Variants in ACTRT1 observed in about 807,000 individuals in gnomAD.
ACTRT1 encodes the protein actin related protein T1.
ACTRT1 carries 1 observed loss-of-function variant against 1.4 expected under a neutral mutation model. The observed-to-expected ratio is 0.69, with a 90% confidence interval of 0.25 to 3.28. ACTRT1 has a LOEUF of 3.28. ACTRT1 is among the 30% of genes most tolerant of loss of function. ACTRT1 has a pLI of 0.20. For synonymous variants in ACTRT1, 121 were observed against 115.2 expected, an observed-to-expected ratio of 1.05 and a Z score of -0.32; for missense variants, 334 against 291.5, an observed-to-expected ratio of 1.15 and a Z score of -1.06.
chrX:128,052,285 T>C lies in ACTRT1; in HGVS notation c.-79A>G. 1 of 1,068,600 alleles carries C rather than the reference T, an allele frequency of 9.4e-7. No individual in the cohort carries two copies. The highest frequency in any genetic ancestry group is 1.2e-6 in the Non-Finnish European group (1 of 801,615). 88.1% of individuals were successfully genotyped at this position (1,068,600 alleles called of 1,213,427 possible). A position where few individuals can be genotyped will look rare whatever the true frequency, so the allele number is the denominator to read the frequency against. ...CACTCTCTGAGATGACAGGCACCTT[T>C]AGAATTTTTTAAACTTCAGGGTTCT... On this transcript the variant is annotated 5_prime_UTR_variant, in exon 1 of 1. Coordinates refer to ENST00000371124, the MANE Select transcript of ACTRT1 (RefSeq NM_138289.4).
rs142657332 is a variant in ACTRT1, at chrX:128,051,265, G to A, written c.942C>T (p.Leu314=). The change falls in exon 1 of 1, where the codon CTC becomes CTT. Residue 314 remains leucine, a synonymous_variant. Coordinates refer to ENST00000371124, the MANE Select transcript of ACTRT1 (RefSeq NM_138289.4). ...TTLLPGLEER[L]MKEVEQLASK... is the part of the protein sequence containing the mutation. ...AAGCCAGCTGTTCCACTTCCTTCAT[G>A]AGCCTTTCCTCCAGCCCAGGGAGGA... 60 of 1,208,271 alleles carry A rather than the reference G, an allele frequency of 5.0e-5. No individual in the cohort carries two copies. The African/African-American group carries it at 9.4e-4, about 19-fold the overall frequency.
In ACTRT1 at chrX:128,051,386, C is replaced by G. The variant is rs1927762280; in HGVS notation, c.821G>C (p.Gly274Ala). ...APDQLGIHSP[G>A]LSKMVSSSIM... The stretch of plus-strand genomic sequence containing the variant: ...GCTGCTGGAGACCATTTTTGAGAGT[C>G]CTGGGCTGTGGATGCCCAGCTGGTC... The change falls in exon 1 of 1, where the codon GGA becomes GCA. Residue 274 changes from glycine (G) to alanine (A), a missense_variant. By Grantham distance (60) the Gly-to-Ala change is moderately conservative. Transcript: ENST00000371124. 8.3e-7 allele frequency: 1 copy of G among 1,210,280 alleles called. No individual in the cohort carries two copies.
Position 128,051,364 on chromosome X carries a change from G to A in ACTRT1, c.843C>T (p.Ser281=), listed in dbSNP as rs775153165. The change falls in exon 1 of 1, where the codon AGC becomes AGT. Residue 281 remains serine (S), a synonymous_variant. Transcript: ENST00000371124. ...TGTCAGTGTCACACTTCATGATGCTGCTGGAGACCATTTTTGAGAGTCCTG... is the reference window on the plus strand; with the variant it reads ...TGTCAGTGTCACACTTCATGATGCTACTGGAGACCATTTTTGAGAGTCCTG... ...HSPGLSKMVS[S]SIMKCDTDIQ... The A allele has an allele frequency of 2.5e-6, 3 of 1,210,746 alleles. No homozygotes were observed. Among genetic ancestry groups the A allele is most frequent in the Middle Eastern group, 2.3e-4 (1 of 4,355 alleles).
At position 128,051,382 on chromosome X, in the gene ACTRT1, G is replaced by A; in HGVS notation, c.825C>T (p.Leu275=). The A allele has an allele frequency of 3.3e-6, 4 of 1,210,565 alleles. No homozygotes were observed. The highest frequency in any genetic ancestry group is 1.7e-5 in the African/African-American group (1 of 57,421). ...TGATGCTGCTGGAGACCATTTTTGA[G>A]AGTCCTGGGCTGTGGATGCCCAGCT... ...PDQLGIHSPG[L]SKMVSSSIMK... The change falls in exon 1 of 1, where the codon CTC becomes CTT. Residue 275 remains leucine (L), a synonymous_variant. Transcript: ENST00000371124.
chrX:128,051,692 TA>T lies in ACTRT1; in HGVS notation c.514del (p.Tyr172ThrfsTer41). On this transcript the variant is annotated frameshift_variant, in exon 1 of 1. Coordinates refer to ENST00000371124, the MANE Select transcript of ACTRT1 (RefSeq NM_138289.4). LOFTEE classifies it low-confidence loss of function (END_TRUNC). ...TTTGGTGACTGCGTGAGGCAGGGAG[TA>T]ACCCTCAAAGATGGGGACAGTGCAA... ...VTCTVPIFEG[Y>X]SLPHAVTKLC... The T allele has an allele frequency of 2.5e-6, 3 of 1,210,441 alleles. No individual in the cohort carries two copies. Among genetic ancestry groups the T allele is most frequent in the Non-Finnish European group, 3.4e-6 (3 of 895,208 alleles).
At position 128,051,893 on chromosome X, in the gene ACTRT1, G is replaced by T; in HGVS notation, c.314C>A (p.Pro105His). The change falls in exon 1 of 1, where the codon CCT becomes CAT. Residue 105 changes from proline to histidine, a missense_variant. By Grantham distance (77) the Pro-to-His change is moderately conservative (BLOSUM62 -2). Transcript: ENST00000371124. Reference sequence around the variant, plus strand: ...CAAAGAGGGCTCGGTCATAAGTACAGGCTGTTGGCTGGGTTTTACTCCAAG... The same window carrying T: ...CAAAGAGGGCTCGGTCATAAGTACATGCTGTTGGCTGGGTTTTACTCCAAG... ...RELGVKPSQQ[P>H]VLMTEPSLNP... The T allele has an allele frequency of 8.3e-7, 1 of 1,211,645 alleles. No individual in the cohort carries two copies. The highest frequency in any genetic ancestry group is 1.1e-6 in the Non-Finnish European group (1 of 895,494).
rs186853067 is a variant in ACTRT1 at position 128,050,964 on chromosome X, G to T, written c.*112C>A. The stretch of plus-strand genomic sequence containing the variant: ...TGCTACTAAGAATAAACTGAAACTT[G>T]AAATGGCAAAACTTTTATTGAACAT... On this transcript the variant is annotated 3_prime_UTR_variant, in exon 1 of 1. Coordinates refer to ENST00000371124, the MANE Select transcript of ACTRT1 (RefSeq NM_138289.4). 1 of 933,699 alleles carries T rather than the reference G, an allele frequency of 1.1e-6. No homozygotes were observed. The highest frequency in any genetic ancestry group is 3.1e-5 in the East Asian group (1 of 32,196). The allele number at this position is 933,699 out of a possible 1,213,427, so 76.9% of individuals were successfully genotyped here.
Position 128,051,212 on chromosome X carries a change from G to A in ACTRT1, c.995C>T (p.Ala332Val), listed in dbSNP as rs768730497. 3 of 1,210,927 alleles carry A rather than the reference G, an allele frequency of 2.5e-6. No individual in the cohort carries two copies. Among genetic ancestry groups the A allele is most frequent in the Non-Finnish European group, 3.4e-6 (3 of 895,396 alleles). The change falls in exon 1 of 1, where the codon GCT (alanine) becomes GTT (valine). Residue 332 changes from alanine to valine, a missense_variant. Transcript: ENST00000371124. ...ASKGTPIKIT[A>V]SPDRCFSAWI... ...TGCAGAGAAGCATCTATCAGGAGAA[G>A]CTGTGATCTTGATGGGAGTACCTTT...
chrX:128,052,096 G>A lies in ACTRT1; in HGVS notation c.111C>T (p.Ser37=), dbSNP rs369132743. Residue 37 remains serine, a synonymous_variant, in exon 1 of 1, where the codon TCC becomes TCT. Coordinates refer to ENST00000371124, the MANE Select transcript of ACTRT1 (RefSeq NM_138289.4). ...GEIGPRHVIS[S]VLGHCKFNVP... Reference sequence around the variant, plus strand: ...CATTGAATTTACAATGTCCCAAGACGGAGCTGATGACATGGCGGGGTCCAA... The same window carrying A: ...CATTGAATTTACAATGTCCCAAGACAGAGCTGATGACATGGCGGGGTCCAA... The A allele has an allele frequency of 5.3e-5, 64 of 1,210,026 alleles. No homozygotes were observed. The highest frequency in any genetic ancestry group is 3.8e-4 in the African/African-American group (22 of 57,166).
In ACTRT1 at chrX:128,052,367, C is replaced by A; in HGVS notation, c.-161G>T. On this transcript the variant is annotated 5_prime_UTR_variant, in exon 1 of 1. Transcript: ENST00000371124. The stretch of plus-strand genomic sequence containing the variant: ...GTAGGCTACCTTCAGTCCACCAGGA[C>A]ACCCCATCCTCAACCTCTGAATCTT... The A allele has an allele frequency of 2.0e-6, 1 of 494,878 alleles. No homozygotes were observed. The highest frequency in any genetic ancestry group is 4.0e-5 in the Admixed American group (1 of 24,710). 40.8% of individuals were successfully genotyped at this position (494,878 alleles called of 1,213,427 possible). A position where few individuals can be genotyped will look rare whatever the true frequency, so the allele number is the denominator to read the frequency against.
Position 128,052,321 on chromosome X carries a change from G to C in ACTRT1, c.-115C>G. The C allele has an allele frequency of 2.3e-6, 2 of 857,345 alleles. No individual in the cohort carries two copies. Among genetic ancestry groups the C allele is most frequent in the Non-Finnish European group, 3.3e-6 (2 of 614,169 alleles). 70.7% of individuals were successfully genotyped at this position (857,345 alleles called of 1,213,427 possible). On this transcript the variant is annotated 5_prime_UTR_variant, in exon 1 of 1. Coordinates refer to ENST00000371124, the MANE Select transcript of ACTRT1 (RefSeq NM_138289.4). Reference sequence around the variant, plus strand: ...AAACTTCAGGGTTCTGAAGTTTCAAGTTGTCACCCATGTACAGCTAGTAGG... The same window carrying C: ...AAACTTCAGGGTTCTGAAGTTTCAACTTGTCACCCATGTACAGCTAGTAGG...
rs201969467 is a variant in ACTRT1, at chrX:128,051,254, A to G, written c.953T>C (p.Val318Ala). ...PGLEERLMKE[V>A]EQLASKGTPI... ...AGTACCTTTGGAAGCCAGCTGTTCC[A>G]CTTCCTTCATGAGCCTTTCCTCCAG... Residue 318 changes from valine (V) to alanine (A), a missense_variant, in exon 1 of 1, where the codon GTG (valine) becomes GCG (alanine). Physicochemically the swap from Val to Ala is moderately conservative, Grantham distance 64. Transcript: ENST00000371124. 4.1e-6 allele frequency: 5 copies of G among 1,208,241 alleles called. No homozygotes were observed. The highest frequency in any genetic ancestry group is 6.0e-5 in the East Asian group (2 of 33,583).
rs763454761 is a variant in ACTRT1 at position 128,051,822 on chromosome X, T to C, written c.385A>G (p.Thr129Ala). The change falls in exon 1 of 1, where the codon ACC (threonine) becomes GCC (alanine). Residue 129 changes from threonine (T) to alanine (A), a missense_variant. Coordinates refer to ENST00000371124, the MANE Select transcript of ACTRT1 (RefSeq NM_138289.4). Reference sequence around the variant, plus strand: ...AGGTAGAAACCAGGCACACTGAAGGTCTCAAACATCATTTCTGCTAGCTTT... The same window carrying C: ...AGGTAGAAACCAGGCACACTGAAGGCCTCAAACATCATTTCTGCTAGCTTT... ...REKLAEMMFE[T>A]FSVPGFYLSN... The C allele has an allele frequency of 8.3e-7, 1 of 1,211,190 alleles. No individual in the cohort carries two copies. Among genetic ancestry groups the C allele is most frequent in the Non-Finnish European group, 1.1e-6 (1 of 895,374 alleles).
In ACTRT1 at chrX:128,051,037, A is replaced by AATC. The variant is rs1927748443; in HGVS notation, c.*36_*38dup. ...TGCCATCTCCCACTGGTACTCCTGTAATCTGACACTTCAAGATGTCTCCTC... is the reference window on the plus strand; with the variant it reads ...TGCCATCTCCCACTGGTACTCCTGTAATCATCTGACACTTCAAGATGTCTCCTC... On this transcript the variant is annotated 3_prime_UTR_variant, in exon 1 of 1. Transcript: ENST00000371124. 8.5e-7 allele frequency: 1 copy of AATC among 1,175,693 alleles called. No individual in the cohort carries two copies. The highest frequency in any genetic ancestry group is 1.9e-5 in the South Asian group (1 of 52,581).
Position 128,052,343 on chromosome X carries a change from T to A in ACTRT1, c.-137A>T. 3 of 636,874 alleles carry A rather than the reference T, an allele frequency of 4.7e-6. No individual in the cohort carries two copies. The highest frequency in any genetic ancestry group is 3.9e-5 in the South Asian group (1 of 25,973). The allele number at this position is 636,874 out of a possible 1,213,427, so 52.5% of individuals were successfully genotyped here. On this transcript the variant is annotated 5_prime_UTR_variant, in exon 1 of 1. Coordinates refer to ENST00000371124, the MANE Select transcript of ACTRT1 (RefSeq NM_138289.4). Reference sequence around the variant, plus strand: ...CAAGTTGTCACCCATGTACAGCTAGTAGGCTACCTTCAGTCCACCAGGACA... The same window carrying A: ...CAAGTTGTCACCCATGTACAGCTAGAAGGCTACCTTCAGTCCACCAGGACA...
In ACTRT1 at chrX:128,051,785, G is replaced by T; in HGVS notation, c.422C>A (p.Ala141Glu). ...SVPGFYLSNH[A>E]VAALYASACV... ...GGCAGAGGCATAGAGCGCTGCCACC[G>T]CATGATTAGACAGGTAGAAACCAGG... is the stretch of plus-strand genomic sequence containing the variant. The change falls in exon 1 of 1, where the codon GCG becomes GAG. Residue 141 changes from alanine to glutamate, a missense_variant. Ala to Glu is a moderately radical substitution (Grantham distance 107). Coordinates refer to ENST00000371124, the MANE Select transcript of ACTRT1 (RefSeq NM_138289.4). 1 of 1,210,929 alleles carries T rather than the reference G, an allele frequency of 8.3e-7. No individual in the cohort carries two copies. The highest frequency in any genetic ancestry group is 1.1e-6 in the Non-Finnish European group (1 of 895,155).
chrX:128,052,309 C>T lies in ACTRT1; in HGVS notation c.-103G>A. ...TTAGAATTTTTTAAACTTCAGGGTTCTGAAGTTTCAAGTTGTCACCCATGT... is the reference window on the plus strand; with the variant it reads ...TTAGAATTTTTTAAACTTCAGGGTTTTGAAGTTTCAAGTTGTCACCCATGT... On this transcript the variant is annotated 5_prime_UTR_variant, in exon 1 of 1. Coordinates refer to ENST00000371124, the MANE Select transcript of ACTRT1 (RefSeq NM_138289.4). The T allele has an allele frequency of 3.1e-6, 3 of 975,530 alleles. No individual in the cohort carries two copies. The highest frequency in any genetic ancestry group is 4.2e-6 in the Non-Finnish European group (3 of 719,459). The allele number at this position is 975,530 out of a possible 1,213,427, so 80.4% of individuals were successfully genotyped here.
Position 128,051,149 on chromosome X carries a change from A to C in ACTRT1, c.1058T>G (p.Phe353Cys), listed in dbSNP as rs746294070. Reference protein sequence around the residue: ...GASIMTSMSSFKQMWVTSADF... With the variant: ...GASIMTSMSSCKQMWVTSADF... ...TGCCGAGGTGACCCACATCTGCTTG[A>C]AACTGCTCATAGAGGTCATGATGGA... is the stretch of plus-strand genomic sequence containing the variant. The change falls in exon 1 of 1, where the codon TTC (phenylalanine) becomes TGC (cysteine). Residue 353 changes from phenylalanine (F) to cysteine (C), a missense_variant. Physicochemically the swap from Phe to Cys is radical, Grantham distance 205. Transcript: ENST00000371124. 1 of 1,209,820 alleles carries C rather than the reference A, an allele frequency of 8.3e-7. No homozygotes were observed. Among genetic ancestry groups the C allele is most frequent in the Admixed American group, 2.2e-5 (1 of 45,719 alleles).
Position 128,051,775 on chromosome X carries a change from C to T in ACTRT1, c.432G>A (p.Ala144=), listed in dbSNP as rs747992640. 1.5e-5 allele frequency: 18 copies of T among 1,208,811 alleles called. No individual in the cohort carries two copies. Among genetic ancestry groups the T allele is most frequent in the African/African-American group, 8.8e-5 (5 of 56,924 alleles). ...CTGTGACACAGGCAGAGGCATAGAG[C>T]GCTGCCACCGCATGATTAGACAGGT... ...GFYLSNHAVA[A]LYASACVTGL... Residue 144 remains alanine (A), a synonymous_variant, in exon 1 of 1, where the codon GCG becomes GCA. Coordinates refer to ENST00000371124, the MANE Select transcript of ACTRT1 (RefSeq NM_138289.4).
Sources: allele counts gnomAD v4.1 joint callset, GRCh38; gene constraint gnomAD v4.1.1; transcripts MANE v1.5; gene names NCBI Gene and HGNC (gene_info 2026-07-23, HGNC 2026-07-21).